The following VCL variants were observed in gnomAD, a reference collection of about 807,000 sequenced individuals.
VCL encodes vinculin.
VCL carries 47 observed loss-of-function variants against 125.7 expected under a neutral mutation model. The ratio of observed to expected loss-of-function variants is 0.37; its 90% confidence interval spans 0.30 to 0.48. The LOEUF (loss-of-function observed/expected upper bound fraction) is 0.48, where lower values mean the gene tolerates loss of function less well. Among genes scored for constraint, VCL ranks in the 20% least tolerant of loss-of-function variants. The probability of loss-of-function intolerance (pLI) is 0.99; values close to 1 mark genes in which losing one functional copy is unlikely to be tolerated. For missense variants in VCL, 1,069 were observed against 1,455.5 expected (o/e 0.73, Z 4.32); for synonymous variants, 458 against 514.6 (o/e 0.89, Z 1.49).
intron 2 of VCL, among the ~76,000 whole-genome samples, chr10:74,069,437 C>T (rs151285875): frequency 6.6e-6 from 1 of 152,256 alleles, no homozygotes; most frequent in Non-Finnish European, 1.5e-5. Flanking sequence ...ATATACATAC[C>T]TACAGTGTCC....
At chr10:74,030,648 G>A (rs1438615399) in intron 1 of VCL, among the ~76,000 whole-genome samples, 1 of 152,180 alleles carries the variant, frequency 6.6e-6, no homozygotes, top group Non-Finnish European at 1.5e-5. Context: ...TGTGGACATG[G>A]TACAAATGCG....
chr10:74,107,870 A>G (rs1351858255), intron 17 of VCL, among the ~76,000 whole-genome samples: 1 of 152,108 alleles, frequency 6.6e-6, no homozygotes, highest in Non-Finnish European at 1.5e-5. Flanking sequence ...ACCCCCCGCA[A>G]GTACTGTGAA....
At chr10:74,076,561 C>T (rs2136276621) in intron 6 of VCL, 1 of 152,748 alleles carries the variant, frequency 6.5e-6, no homozygotes, top group South Asian at 2.1e-4. Context: ...TTTGCGGGCT[C>T]TGAAATTTTG....
At chr10:74,038,422 C>T (rs1276435257) in intron 1 of VCL, among the ~76,000 whole-genome samples, 1 of 152,124 alleles carries the variant, frequency 6.6e-6, no homozygotes, top group East Asian at 1.9e-4. Context: ...TGCCAAAAAT[C>T]AATTCCCCAA....
intron 21 of VCL, among the ~76,000 whole-genome samples, chr10:74,115,360 T>C (rs1255180146): frequency 1.3e-5 from 2 of 151,136 alleles, no homozygotes; most frequent in African/African-American, 4.9e-5. Flanking sequence ...TTGGGCAAAA[T>C]AGCAAGACCC....
At chr10:74,083,711 A>G (rs1401482496) in intron 8 of VCL, among the ~76,000 whole-genome samples, 198 bp downstream of exon 8, 1 of 152,074 alleles carries the variant, frequency 6.6e-6, no homozygotes, top group African/African-American at 2.4e-5. Context: ...TTATTTTTTG[A>G]GACAGAGTCT....
At chr10:74,096,149 A>T (rs1324327269) in intron 12 of VCL, among the ~76,000 whole-genome samples, 5 of 146,500 alleles carry the variant, frequency 3.4e-5, no homozygotes, top group Non-Finnish European at 3.0e-5. Context: ...CTTAAAATGG[A>T]CTTTTTTTTT....
chr10:74,027,756 A>G (rs373185499), intron 1 of VCL: 3 of 152,102 alleles, frequency 2.0e-5, no homozygotes, highest in African/African-American at 7.2e-5. Context: ...GGAATTGAGG[A>G]GCTAAAGAGC....
At position 74,114,968 on chromosome 10, in the gene VCL, T is replaced by G. The variant is rs1038992053; in HGVS notation, c.3258+69T>G. 3.5e-6 allele frequency: 5 copies of G among 1,424,162 alleles called. No individual in the cohort carries two copies. The Admixed American group carries it at 9.9e-5, about 28-fold the overall frequency. 88.2% of individuals were successfully genotyped at this position (1,424,162 alleles called of 1,614,324 possible). A position where few individuals can be genotyped will look rare whatever the true frequency, so the allele number is the denominator to read the frequency against. On this transcript the variant is annotated intron_variant, in intron 21 of 21. Transcript: ENST00000211998. Reference sequence around the variant, plus strand: ...CCGTTTTGCAGTAATTTAACTCTGCTTTGGGGAAATTTTACCCCTTAATTG... The same window carrying G: ...CCGTTTTGCAGTAATTTAACTCTGCGTTGGGGAAATTTTACCCCTTAATTG...
intron 16 of VCL, 145 bp downstream of exon 16, chr10:74,105,498 CT>C: frequency 9.4e-7 from 1 of 1,069,272 alleles, no homozygotes; most frequent in Non-Finnish European, 1.4e-6. Context: ...CTAGATTAAT[CT>C]TTTTCCATCC....
chr10:74,022,067 G>A (rs1007134522), intron 1 of VCL, among the ~76,000 whole-genome samples: 1 of 151,958 alleles, frequency 6.6e-6, no homozygotes, highest in Admixed American at 6.6e-5. Context: ...CCTTATTCTA[G>A]CTCTTCAGGG....
At chr10:74,006,680 G>C (rs1282603578) in intron 1 of VCL, among the ~76,000 whole-genome samples, 1 of 152,150 alleles carries the variant, frequency 6.6e-6, no homozygotes, top group Non-Finnish European at 1.5e-5. Flanking sequence ...ATAGGTAGAA[G>C]TCAAAACTTT....
intron 16 of VCL, 56 bp downstream of exon 16, chr10:74,105,409 G>T (rs1327026575): frequency 1.2e-6 from 2 of 1,607,446 alleles, no homozygotes; most frequent in East Asian, 2.2e-5. Context: ...CTCAGGAAAG[G>T]TCGTGAGGGA....
At chr10:74,013,783 A>G (rs750248306) in intron 1 of VCL, among the ~76,000 whole-genome samples, 2 of 152,218 alleles carry the variant, frequency 1.3e-5, no homozygotes, top group Non-Finnish European at 2.9e-5. Flanking sequence ...TAAAATGTTT[A>G]TAACTATTCC....
At chr10:74,105,426 A>G (rs1421423234) in intron 16 of VCL, 73 bp downstream of exon 16, 83 of 1,577,544 alleles carry the variant, frequency 5.3e-5, no homozygotes, top group Non-Finnish European at 7.0e-5. Context: ...GGGAATATGT[A>G]CCCCACAACC....
At chr10:74,005,894 T>C (rs2136223402) in intron 1 of VCL, among the ~76,000 whole-genome samples, 1 of 152,216 alleles carries the variant, frequency 6.6e-6, no homozygotes, top group Non-Finnish European at 1.5e-5. Flanking sequence ...TTTTATTTAT[T>C]TATTTTTTTG....
chr10:74,018,179 TATATATATATATATATATATATAAATAC>T (rs1840591093), intron 1 of VCL, among the ~76,000 whole-genome samples: 1 of 121,734 alleles, frequency 8.2e-6, no homozygotes, highest in South Asian at 2.4e-4. Flanking sequence ...ATATATAGGA[TATATATATATATATATATATATAAATAC>T]ATATATATAT....
chr10:74,056,198 T>G (rs567584743), intron 2 of VCL, among the ~76,000 whole-genome samples: 1 of 150,894 alleles, frequency 6.6e-6, no homozygotes, highest in Non-Finnish European at 1.5e-5. Flanking sequence ...TCATGATGGG[T>G]GTGTGTGTGT....
chr10:74,041,222 A>G (rs182116517), intron 1 of VCL, among the ~76,000 whole-genome samples: 64 of 152,202 alleles, frequency 4.2e-4, no homozygotes, highest in Non-Finnish European at 6.9e-4. Flanking sequence ...TAGGACTGAC[A>G]TATTTTCCAT....
Sources: allele counts gnomAD v4.1 joint callset (sites outside exome capture counted in the v4.1 genomes callset), GRCh38; gene constraint gnomAD v4.1.1; transcripts MANE v1.5; gene names NCBI Gene and HGNC (gene_info 2026-07-23, HGNC 2026-07-21).